Variants in ALPK3 observed in about 807,000 individuals in gnomAD.
The protein encoded by ALPK3 is alpha-protein kinase 3.
ALPK3 carries 102 observed loss-of-function variants against 140.0 expected under a neutral mutation model. The ratio of observed to expected loss-of-function variants is 0.73; its 90% CI spans 0.62 to 0.86. The LOEUF (loss-of-function observed/expected upper bound fraction) is 0.86. ALPK3 is among the 40% of genes least tolerant of loss of function. The pLI, the probability that ALPK3 is intolerant of heterozygous loss-of-function variation, is 0.00. For missense variants in ALPK3, 2,254 were observed against 2,208.2 expected (o/e 1.02, Z -0.42); for synonymous variants, 938 against 898.5 (o/e 1.04, Z -0.79).
Position 84,860,109 on chromosome 15 carries a change from C to T in ALPK3, c.4129+37C>T, listed in dbSNP as rs2289140. ...CCCTGGGGAAGGCGGGGTGGTCCTA[C>T]CCCTGCCATCTGCAGGGAGGACCCT... On this transcript the variant is annotated intron_variant, in intron 9 of 13. Transcript: ENST00000258888. 0.083 allele frequency: 133,791 copies of T among 1,611,280 alleles called. 5,672 individuals carry two copies. The highest frequency in any genetic ancestry group is 0.12 in the East Asian group (5,157 of 44,828).
intron 1 of ALPK3, among the ~76,000 whole-genome samples, chr15:84,819,963 G>A (rs1377273759): frequency 6.6e-6 from 1 of 152,146 alleles, no homozygotes; most frequent in Non-Finnish European, 1.5e-5. Flanking sequence ...CCATGTCGGT[G>A]CAAGAATATT....
rs541929528 is a variant in ALPK3 at position 84,831,056 on chromosome 15, G to A, written c.304+3451G>A. On this transcript the variant is annotated intron_variant, in intron 3 of 13. Coordinates refer to ENST00000258888, the MANE Select transcript of ALPK3 (RefSeq NM_020778.5). ...TTACTTTTTCTTGCGAATTTGGCTG[G>A]GTATAGAATTATAAGCTGAAAATAA... Among the ~76,000 whole-genome samples, 4 of 152,166 alleles carry A rather than the reference G, an allele frequency of 2.6e-5. No individual in the cohort carries two copies. In the South Asian group the frequency reaches 8.3e-4, roughly 32 times the overall value.
chr15:84,861,004 G>A (rs867469848), intron 9 of ALPK3, among the ~76,000 whole-genome samples: 3 of 152,220 alleles, frequency 2.0e-5, no homozygotes, highest in African/African-American at 7.2e-5. Flanking sequence ...AGTGACTTTT[G>A]TTTAGTAATC....
intron 12 of ALPK3, among the ~76,000 whole-genome samples, chr15:84,866,468 A>C (rs539684862): frequency 1.3e-5 from 2 of 152,280 alleles, no homozygotes; most frequent in East Asian, 3.9e-4. Context: ...CACATTTGTT[A>C]TTGTCTATCA....
rs1250159666 is a variant in ALPK3 at position 84,838,769 on chromosome 15, G to A, written c.305-211G>A. On this transcript the variant is annotated intron_variant, in intron 3 of 13. Coordinates refer to ENST00000258888, the MANE Select transcript of ALPK3 (RefSeq NM_020778.5). ...CAAGCAGCTGGGATTACAGGAGCCC[G>A]CCACCACGTCCGGGTAATTTTTTTG... 7.9e-5 allele frequency among the ~76,000 whole-genome samples: 12 copies of A among 151,948 alleles called. 2 individuals are homozygous for A. In the South Asian group the frequency reaches 1.2e-3, roughly 16 times the overall value.
chr15:84,827,401 A>G (rs1173965005), intron 2 of ALPK3, 83 bp from the exon 3 acceptor site: 1 of 1,577,112 alleles, frequency 6.3e-7, no homozygotes, highest in Non-Finnish European at 8.6e-7. Flanking sequence ...AGGCATGGTA[A>G]GACGGAAGCT....
Position 84,817,398 on chromosome 15 carries a change from G to T in ALPK3, c.-55G>T. On this transcript the variant is annotated 5_prime_UTR_variant, in exon 1 of 14. Coordinates refer to ENST00000258888, the MANE Select transcript of ALPK3 (RefSeq NM_020778.5). ...GCAGGGGCCCGGGGGCCGGGGCCTGGAGGACAGGCGAGGCAGCGGCGAGTG... is the reference window on the plus strand; with the variant it reads ...GCAGGGGCCCGGGGGCCGGGGCCTGTAGGACAGGCGAGGCAGCGGCGAGTG... 7 of 1,225,746 alleles carry T rather than the reference G, an allele frequency of 5.7e-6. No individual in the cohort carries two copies. The highest frequency in any genetic ancestry group is 7.1e-6 in the Non-Finnish European group (7 of 986,164). 75.9% of individuals were successfully genotyped at this position (1,225,746 alleles called of 1,614,324 possible).
intron 6 of ALPK3, 109 bp downstream of exon 6, chr15:84,858,664 G>A (rs1479296186): frequency 2.2e-5 from 31 of 1,418,860 alleles, no homozygotes; most frequent in East Asian, 4.8e-5. Context: ...ATCCCTCCTC[G>A]GGATTCATAA....
Position 84,868,308 on chromosome 15 carries a change from A to C in ALPK3, c.4970A>C (p.Gln1657Pro). The change falls in exon 14 of 14, where the codon CAG (glutamine) becomes CCG (proline). Residue 1657 changes from glutamine to proline, a missense_variant. Gln to Pro is a moderately conservative substitution (Grantham distance 76). Transcript: ENST00000258888. Reference sequence around the variant, plus strand: ...GGCTCCCAGCTGAGTCCTCAGCCCCAGAAGAAAGGCCTCCCTAGTCCTCAG... The same window carrying C: ...GGCTCCCAGCTGAGTCCTCAGCCCCCGAAGAAAGGCCTCCCTAGTCCTCAG... ...RKGSQLSPQP[Q>P]KKGLPSPQGT... 2 of 1,614,114 alleles carry C rather than the reference A, an allele frequency of 1.2e-6. No homozygotes were observed. Among genetic ancestry groups the C allele is most frequent in the Non-Finnish European group, 1.7e-6 (2 of 1,179,964 alleles).
intron 3 of ALPK3, among the ~76,000 whole-genome samples, chr15:84,836,935 G>A (rs1262158304): frequency 6.6e-6 from 1 of 152,172 alleles, no homozygotes; most frequent in Non-Finnish European, 1.5e-5. Flanking sequence ...GAAGTAGGAG[G>A]AGCAGCCAGA....
At chr15:84,862,167 G>A (rs1357215724) in intron 9 of ALPK3, among the ~76,000 whole-genome samples, 1 of 152,110 alleles carries the variant, frequency 6.6e-6, no homozygotes, top group Non-Finnish European at 1.5e-5. Flanking sequence ...TGAGCATTAG[G>A]GGTGCTCATT....
chr15:84,873,338 G>T lies in ALPK3; in HGVS notation c.*4882G>T, dbSNP rs1203739867. ...ATGTTTGGTCTTTTGATATAATTTA[G>T]CATGGGCCAACATTTGGTCCAGATT... On this transcript the variant is annotated 3_prime_UTR_variant, in exon 14 of 14. Transcript: ENST00000258888. The T allele has an allele frequency of 6.6e-6, 1 of 152,126 alleles. No individual in the cohort carries two copies. Among genetic ancestry groups the T allele is most frequent in the Non-Finnish European group, 1.5e-5 (1 of 68,012 alleles). The allele number at this position is 152,126 out of a possible 1,614,324, so 9.4% of individuals were successfully genotyped here.
intron 5 of ALPK3, among the ~76,000 whole-genome samples, chr15:84,842,987 A>G (rs1054314944): frequency 6.6e-6 from 1 of 152,134 alleles, no homozygotes; most frequent in African/African-American, 2.4e-5. Flanking sequence ...TGGCCAAGTG[A>G]GTGTGCAAAT....
chr15:84,839,641 G>A, intron 4 of ALPK3, 61 bp from the exon 5 acceptor site: 1 of 1,525,250 alleles, frequency 6.6e-7, no homozygotes, highest in South Asian at 1.3e-5. Context: ...TCTGGCTGGG[G>A]GGTGTGGGGG....
intron 5 of ALPK3, among the ~76,000 whole-genome samples, chr15:84,845,027 A>C (rs551988332): frequency 1.1e-4 from 17 of 152,358 alleles, no homozygotes; most frequent in African/African-American, 4.1e-4. Flanking sequence ...AAATTTAGGC[A>C]AAATGTATAA....
In ALPK3 at chr15:84,858,383, T is replaced by C; in HGVS notation, c.3645T>C (p.Pro1215=). 1.3e-6 allele frequency: 2 copies of C among 1,554,202 alleles called. No homozygotes were observed. The highest frequency in any genetic ancestry group is 1.4e-5 in the African/African-American group (1 of 73,558). The change falls in exon 6 of 14, where the codon CCT becomes CCC. Residue 1215 remains proline, a synonymous_variant. Transcript: ENST00000258888. ...CTCCAGGGCGGGAGAGACGCTCCCC[T>C]ACGCAGGGCAGAAAGGCGAGCATGC... ...PGTPGRERRS[P]TQGRKASMLE...
Position 84,868,494 on chromosome 15 carries a change from C to T in ALPK3, c.*38C>T, listed in dbSNP as rs761892863. The T allele has an allele frequency of 2.6e-6, 4 of 1,551,524 alleles. No homozygotes were observed. The highest frequency in any genetic ancestry group is 1.9e-5 in the Admixed American group (1 of 52,672). The stretch of plus-strand genomic sequence containing the variant: ...CTGGGGGCCTCCACCCAGCAGCAGA[C>T]CAACCAGGAAGCAGCTTGAACTGGA... On this transcript the variant is annotated 3_prime_UTR_variant, in exon 14 of 14. Transcript: ENST00000258888.
rs567059923 is a variant in ALPK3, at chr15:84,827,580, C to T, written c.279C>T (p.Asp93=). ...CCCGGTCTGTGTCCGAGGACAGCGA[C>T]GTCAGGTTCACCTGCATCGTCACAG... ...LKSRSVSEDS[D]VRFTCIVTGY... The change falls in exon 3 of 14, where the codon GAC becomes GAT. Residue 93 remains aspartate, a synonymous_variant. Coordinates refer to ENST00000258888, the MANE Select transcript of ALPK3 (RefSeq NM_020778.5). 87 of 1,614,168 alleles carry T rather than the reference C, an allele frequency of 5.4e-5. 1 individual carries two copies. The South Asian group carries it at 8.2e-4, about 15-fold the overall frequency.
In ALPK3 at chr15:84,857,484, C is replaced by CT; in HGVS notation, c.2747dup (p.Thr918AspfsTer16). On this transcript the variant is annotated frameshift_variant, in exon 6 of 14. Coordinates refer to ENST00000258888, the MANE Select transcript of ALPK3 (RefSeq NM_020778.5). LOFTEE classifies it high-confidence loss of function. ...TTCTGCCCCAACACTGCACCTGGGG[C>CT]TGGGGACCCCCACTCAGAGTCACCC... 1 of 1,606,286 alleles carries CT rather than the reference C, an allele frequency of 6.2e-7. No individual in the cohort carries two copies. Among genetic ancestry groups the CT allele is most frequent in the South Asian group, 1.1e-5 (1 of 90,056 alleles).
Sources: allele counts gnomAD v4.1 joint callset (sites outside exome capture counted in the v4.1 genomes callset), GRCh38; gene constraint gnomAD v4.1.1; transcripts MANE v1.5; gene names NCBI Gene and HGNC (gene_info 2026-07-23, HGNC 2026-07-21).